RP1: variants seen among roughly 807,000 people sequenced by gnomAD.
RP1 encodes the protein oxygen-regulated protein 1.
RP1 carries 16 observed loss-of-function variants against 14.8 expected under a neutral mutation model. The observed-to-expected ratio is 1.08, with a 90% confidence interval of 0.73 to 1.65. The LOEUF is 1.65. Ranked by LOEUF, RP1 falls within the 40% of genes most tolerant of loss-of-function variation. RP1 has a pLI of 0.00. For missense variants in RP1, 2,631 were observed against 2,535.0 expected, an observed-to-expected ratio of 1.04 and a Z score of -0.81; for synonymous variants, 876 against 883.6, an observed-to-expected ratio of 0.99 and a Z score of 0.15.
chr8:54,597,163 T>C (rs1805168155), intron 1 of RP1, among the ~76,000 whole-genome samples: 2 of 152,336 alleles, frequency 1.3e-5, no homozygotes, highest in South Asian at 4.1e-4. Context: ...CAATGTTAGA[T>C]GGAGAATACT....
chr8:54,580,503 C>T (rs977250455), intron 1 of RP1, among the ~76,000 whole-genome samples: 1 of 150,406 alleles, frequency 6.6e-6, no homozygotes, highest in Non-Finnish European at 1.5e-5. Context: ...GATGGGGTTT[C>T]ACCACGTTGG....
intron 12 of RP1, among the ~76,000 whole-genome samples, chr8:54,686,972 T>G (rs978905092): frequency 6.6e-6 from 1 of 152,188 alleles, no homozygotes; most frequent in Non-Finnish European, 1.5e-5. Context: ...ATCTCCGTAT[T>G]GATTTATGTA....
At chr8:54,657,486 T>C (rs1302182981) in intron 6 of RP1, among the ~76,000 whole-genome samples, 1 of 152,208 alleles carries the variant, frequency 6.6e-6, no homozygotes, top group Non-Finnish European at 1.5e-5. Context: ...GATAAGCCTT[T>C]AGTTATCTAG....
At chr8:54,766,334 G>A (rs1809760353) in intron 22 of RP1, among the ~76,000 whole-genome samples, 1 of 152,060 alleles carries the variant, frequency 6.6e-6, no homozygotes, top group African/African-American at 2.4e-5. Context: ...TTATCATGAG[G>A]CAGTGAGCAA....
At chr8:54,812,782 T>TATC (rs1172201300) in intron 24 of RP1, among the ~76,000 whole-genome samples, 22 of 150,564 alleles carry the variant, frequency 1.5e-4, no homozygotes, top group Non-Finnish European at 1.9e-4. Flanking sequence ...TCTATCTATC[T>TATC]ATCTATCTAT....
rs549272119 is a variant in RP1 at position 54,854,689 on chromosome 8, A to C, written c.3990+1961A>C. Among the ~76,000 whole-genome samples the C allele has an allele frequency of 4.5e-4, 69 of 152,154 alleles. 2 individuals are homozygous for C. In the East Asian group the frequency reaches 0.011, roughly 24 times the overall value. ...AGACCAGCCTGGCCAACATGGTGAA[A>C]TCTTGCCTTTACTGAAAATACAAAA... On this transcript the variant is annotated intron_variant, in intron 26 of 28. Coordinates refer to the RP1 transcript ENST00000637698.
intron 3 of RP1, among the ~76,000 whole-genome samples, chr8:54,640,418 C>G (rs1806431854): frequency 6.6e-6 from 1 of 152,102 alleles, no homozygotes; most frequent in Non-Finnish European, 1.5e-5. Flanking sequence ...CAACTTTGTT[C>G]TCTTTCAAAA....
intron 3 of RP1, among the ~76,000 whole-genome samples, chr8:54,642,302 C>G (rs757734214): frequency 6.6e-6 from 1 of 151,964 alleles, no homozygotes; most frequent in African/African-American, 2.4e-5. Context: ...ATATTTTTCT[C>G]TTTACATACT....
At chr8:54,623,973 T>C (rs1805951996) in intron 3 of RP1, among the ~76,000 whole-genome samples, 1 of 152,230 alleles carries the variant, frequency 6.6e-6, no homozygotes, top group Admixed American at 6.5e-5. Context: ...TTATCTTTGG[T>C]AGAATTCTTA....
At chr8:54,858,978 G>T (rs191001149) in intron 27 of RP1, among the ~76,000 whole-genome samples, 2 of 152,028 alleles carry the variant, frequency 1.3e-5, no homozygotes, top group African/African-American at 4.8e-5. Flanking sequence ...CTGTAGAGCA[G>T]TGTCACTGTA....
Position 54,628,535 on chromosome 8 carries a change from G to A in RP1, c.4653G>A (p.Glu1551=), listed in dbSNP as rs758407562. 1 of 1,613,954 alleles carries A rather than the reference G, an allele frequency of 6.2e-7. No individual in the cohort carries two copies. The highest frequency in any genetic ancestry group is 1.1e-5 in the South Asian group (1 of 91,056). ...ATTCTAAGCAAAATAGTGAAAAGGA[G>A]ACCAATGAAGGAGAAACTAAGATGG... ...CYDSKQNSEK[E]TNEGETKMVK... Residue 1551 remains glutamate (E), a synonymous_variant, in exon 4 of 4, where the codon GAG becomes GAA. Coordinates refer to ENST00000220676, the MANE Select transcript of RP1 (RefSeq NM_006269.2).
intron 15 of RP1, among the ~76,000 whole-genome samples, chr8:54,718,391 G>T (rs1027843864): frequency 6.6e-6 from 1 of 152,164 alleles, no homozygotes; most frequent in Non-Finnish European, 1.5e-5. Flanking sequence ...GAGCAGAATA[G>T]AAAGCCTAGA....
At chr8:54,859,707 T>C (rs996251152) in intron 27 of RP1, among the ~76,000 whole-genome samples, 1 of 152,022 alleles carries the variant, frequency 6.6e-6, no homozygotes, top group Non-Finnish European at 1.5e-5. Flanking sequence ...TAGTGCTGGG[T>C]TGCTGCAGAG....
At chr8:54,844,562 G>T (rs1811868437) in intron 25 of RP1, among the ~76,000 whole-genome samples, 1 of 152,120 alleles carries the variant, frequency 6.6e-6, no homozygotes, top group African/African-American at 2.4e-5. Context: ...GTGTGCATAT[G>T]TGTGTGCATG....
chr8:54,772,895 GGT>G (rs1772331852), downstream of RP1, among the ~76,000 whole-genome samples: 1 of 152,084 alleles, frequency 6.6e-6, no homozygotes, highest in African/African-American at 2.4e-5. Context: ...CCTTGTTTCA[GGT>G]CCAAGTGAAA....
chr8:54,562,224 T>G (rs1433331801), intron 1 of RP1, among the ~76,000 whole-genome samples: 1 of 152,228 alleles, frequency 6.6e-6, no homozygotes, highest in African/African-American at 2.4e-5. Context: ...AACTAGTGAA[T>G]ATGAATATGG....
intron 27 of RP1, among the ~76,000 whole-genome samples, chr8:54,857,260 G>T (rs1295639447): frequency 6.8e-6 from 1 of 146,704 alleles, no homozygotes; most frequent in Non-Finnish European, 1.5e-5. Flanking sequence ...AATATATGAA[G>T]TTATATTTAT....
At chr8:54,862,289 G>A (rs1370510713) in intron 27 of RP1, among the ~76,000 whole-genome samples, 2 of 152,214 alleles carry the variant, frequency 1.3e-5, no homozygotes, top group East Asian at 3.9e-4. Flanking sequence ...CAGTATATAA[G>A]AACTTCTATT....
chr8:54,617,730 ACTCTTC>A (rs1805755556), intron 1 of RP1, among the ~76,000 whole-genome samples: 1 of 151,320 alleles, frequency 6.6e-6, no homozygotes, highest in African/African-American at 2.4e-5. Context: ...TGGTACCCCA[ACTCTTC>A]CTCTTCTTCA....
Sources: gnomAD v4.1 joint callset for allele counts (sites outside exome capture counted in the v4.1 genomes callset) on GRCh38, gnomAD v4.1.1 for gene constraint, MANE v1.5 for transcripts, NCBI Gene and HGNC (gene_info 2026-07-23, HGNC 2026-07-21) for gene names.